The following CTNNA3 variants were observed in gnomAD, a reference collection of about 807,000 sequenced individuals.
CTNNA3 encodes catenin alpha-3.
CTNNA3 carries 76 observed loss-of-function variants against 95.7 expected under a neutral mutation model. That is an observed-to-expected ratio of 0.79 (90% CI 0.66 to 0.96). CTNNA3 has a LOEUF of 0.96. CTNNA3 is among the 40% of genes least tolerant of loss of function. The pLI is 0.00. For missense variants in CTNNA3, 1,191 were observed against 1,089.8 expected, an observed-to-expected ratio of 1.09 and a Z score of -1.31; for synonymous variants, 431 against 374.4, an observed-to-expected ratio of 1.15 and a Z score of -1.74.
chr10:67,210,131 C>A (rs1179152969), intron 6 of CTNNA3, among the ~76,000 whole-genome samples: 2 of 151,980 alleles, frequency 1.3e-5, no homozygotes, highest in Non-Finnish European at 2.9e-5. Flanking sequence ...CATGGTAAAA[C>A]CCTGTCTCTA....
At chr10:67,122,392 T>C (rs2131996400) in intron 7 of CTNNA3, among the ~76,000 whole-genome samples, 1 of 152,092 alleles carries the variant, frequency 6.6e-6, no homozygotes, top group East Asian at 1.9e-4. Flanking sequence ...CTAGAAGAAA[T>C]GATGTTAGTA....
intron 10 of CTNNA3, among the ~76,000 whole-genome samples, chr10:66,614,281 A>C (rs568886274): frequency 1.3e-5 from 2 of 152,212 alleles, no homozygotes; most frequent in African/African-American, 4.8e-5. Context: ...GGGGAATAGT[A>C]ATGGCTTCCA....
At chr10:66,396,807 A>G (rs1043306405) in intron 11 of CTNNA3, among the ~76,000 whole-genome samples, 2 of 151,968 alleles carry the variant, frequency 1.3e-5, no homozygotes, top group African/African-American at 4.8e-5. Flanking sequence ...TTACAGATTC[A>G]TGTCAAAATA....
chr10:67,464,879 A>AACAG (rs1847525982), intron 5 of CTNNA3, among the ~76,000 whole-genome samples: 1 of 151,276 alleles, frequency 6.6e-6, no homozygotes, highest in South Asian at 2.1e-4. Context: ...AAAAAAAAGA[A>AACAG]AAAGAAAGTA....
intron 7 of CTNNA3, among the ~76,000 whole-genome samples, chr10:67,090,941 C>T (rs576434801): frequency 3.9e-4 from 59 of 152,076 alleles, no homozygotes; most frequent in Non-Finnish European, 5.3e-4. Context: ...TTATCAACTG[C>T]CTTAACACTT....
At chr10:67,582,304 A>AT (rs1419546223) in intron 3 of CTNNA3, among the ~76,000 whole-genome samples, 1 of 131,674 alleles carries the variant, frequency 7.6e-6, no homozygotes, top group Non-Finnish European at 1.6e-5. Flanking sequence ...TTCTGCCTTC[A>AT]TTTTGTCATG....
chr10:66,154,739 T>TATATATATATATATATA (rs1554870361), intron 13 of CTNNA3, among the ~76,000 whole-genome samples: 1 of 143,392 alleles, frequency 7.0e-6, no homozygotes, highest in Non-Finnish European at 1.5e-5. Flanking sequence ...TATATATATA[T>TATATATATATATATATA]ATTTCCCTTG....
intron 9 of CTNNA3, among the ~76,000 whole-genome samples, chr10:66,725,479 T>C (rs1235618392): frequency 3.9e-5 from 6 of 152,096 alleles, no homozygotes; most frequent in African/African-American, 1.4e-4. Context: ...GATTTTCCAG[T>C]AAATGAAGTT....
At chr10:66,003,636 A>C (rs974416543) in intron 15 of CTNNA3, among the ~76,000 whole-genome samples, 7 of 152,222 alleles carry the variant, frequency 4.6e-5, no homozygotes, top group African/African-American at 1.7e-4. Context: ...GGCAAAATAG[A>C]GATCAGTAAA....
intron 9 of CTNNA3, among the ~76,000 whole-genome samples, chr10:66,631,732 C>T (rs1232490733): frequency 2.7e-5 from 4 of 150,382 alleles, no homozygotes; most frequent in African/African-American, 9.8e-5. Context: ...CAATATTTTA[C>T]TCAAGGTTCT....
At chr10:66,100,432 T>C (rs574204618) in intron 14 of CTNNA3, among the ~76,000 whole-genome samples, 3 of 152,276 alleles carry the variant, frequency 2.0e-5, no homozygotes, top group East Asian at 1.9e-4. Flanking sequence ...ATGCAGAGGA[T>C]ATTTATAAGA....
chr10:67,171,609 A>G (rs938170933), intron 7 of CTNNA3, among the ~76,000 whole-genome samples: 22 of 151,648 alleles, frequency 1.5e-4, no homozygotes, highest in African/African-American at 5.3e-4. Context: ...TATATTGACC[A>G]GGCCTGGTAG....
intron 7 of CTNNA3, among the ~76,000 whole-genome samples, chr10:67,003,785 T>G (rs532443525): frequency 6.6e-6 from 1 of 152,250 alleles, no homozygotes; most frequent in African/African-American, 2.4e-5. Flanking sequence ...CAATACAAAT[T>G]GAGAGGTTAA....
intron 1 of CTNNA3, among the ~76,000 whole-genome samples, chr10:67,695,102 T>A (rs960104524): frequency 3.9e-5 from 6 of 152,218 alleles, no homozygotes; most frequent in Admixed American, 2.0e-4. Flanking sequence ...ATTCTCAATA[T>A]GTTGAGCTTT....
chr10:66,627,315 G>A (rs1009071117), intron 9 of CTNNA3, among the ~76,000 whole-genome samples: 3 of 152,022 alleles, frequency 2.0e-5, no homozygotes, highest in African/African-American at 4.8e-5. Flanking sequence ...GTCTTGGTAC[G>A]ACTGTCAATC....
intron 15 of CTNNA3, among the ~76,000 whole-genome samples, chr10:66,036,253 A>G (rs1015264350): frequency 6.6e-6 from 1 of 152,240 alleles, no homozygotes; most frequent in African/African-American, 2.4e-5. Flanking sequence ...AGCTCACGGC[A>G]GAATCAACTG....
chr10:66,533,272 G>C (rs2659999), intron 10 of CTNNA3, among the ~76,000 whole-genome samples: 99,541 of 151,842 alleles, frequency 0.66, 35,390 homozygotes, highest in Non-Finnish European at 0.8. Context: ...CTCTTGTTAG[G>C]TAACTCCAAT....
chr10:66,820,094 CT>C (rs1842249811), intron 7 of CTNNA3, among the ~76,000 whole-genome samples: 1 of 150,538 alleles, frequency 6.6e-6, no homozygotes, highest in Non-Finnish European at 1.5e-5. Context: ...ACCCAAATGT[CT>C]TTAATTGATG....
At chr10:66,023,255 G>T (rs141428790) in intron 15 of CTNNA3, among the ~76,000 whole-genome samples, 1 of 152,144 alleles carries the variant, frequency 6.6e-6, no homozygotes, top group Non-Finnish European at 1.5e-5. Context: ...TAAGTAGTTC[G>T]TGGAATTGCA....
Sources: allele counts gnomAD v4.1 joint callset (sites outside exome capture counted in the v4.1 genomes callset), GRCh38; gene constraint gnomAD v4.1.1; transcripts MANE v1.5; gene names NCBI Gene and HGNC (gene_info 2026-07-23, HGNC 2026-07-21).